Variants in PTPRT observed in about 807,000 individuals in gnomAD.
PTPRT encodes the protein receptor-type tyrosine-protein phosphatase T.
A neutral mutation model predicts 176.8 loss-of-function variants in PTPRT; 56 were observed. That is an observed-to-expected ratio of 0.32 (90% CI 0.26 to 0.40). The LOEUF is 0.40. Among genes scored for constraint, PTPRT ranks in the 10% least tolerant of loss-of-function variants. The pLI is 1.00. For missense variants in PTPRT, 1,540 were observed against 1,908.2 expected (o/e 0.81, Z 3.60); for synonymous variants, 783 against 739.0 (o/e 1.06, Z -0.96).
intron 16 of PTPRT, among the ~76,000 whole-genome samples, chr20:42,192,171 A>C (rs1991027244): frequency 6.6e-6 from 1 of 152,156 alleles, no homozygotes; most frequent in African/African-American, 2.4e-5. Flanking sequence ...AATCCTTGAC[A>C]TCACACACCA....
At chr20:43,149,762 C>T (rs1448231984) in intron 1 of PTPRT, among the ~76,000 whole-genome samples, 2 of 152,236 alleles carry the variant, frequency 1.3e-5, no homozygotes, top group South Asian at 4.1e-4. Flanking sequence ...TCATAACCCT[C>T]ATCTACCATT....
intron 23 of PTPRT, 62 bp downstream of exon 23, chr20:42,110,271 C>T (rs1023134686): frequency 4.7e-6 from 7 of 1,487,014 alleles, no homozygotes; most frequent in Non-Finnish European, 6.3e-6. Flanking sequence ...AGGCTGGTCT[C>T]GAACTCCTGA....
At chr20:42,060,558 A>T in the PTPRT span, among the ~76,000 whole-genome samples, 1 of 152,168 alleles carries the variant, frequency 6.6e-6, no homozygotes, top group Non-Finnish European at 1.5e-5. Context: ...ACAGTGAATA[A>T]GTCTTACAAG....
intron 16 of PTPRT, among the ~76,000 whole-genome samples, chr20:42,180,601 C>A (rs1568648213): frequency 6.6e-6 from 1 of 152,170 alleles, no homozygotes; most frequent in African/African-American, 2.4e-5. Flanking sequence ...GTATTCTTCA[C>A]TGATGTATAT....
intron 7 of PTPRT, among the ~76,000 whole-genome samples, chr20:42,583,925 TG>T (rs1196702107): frequency 6.6e-6 from 1 of 152,200 alleles, no homozygotes; most frequent in Non-Finnish European, 1.5e-5. Flanking sequence ...TCTCCCACTA[TG>T]TCTTCCAGCC....
chr20:42,878,417 G>C (rs1362914119), intron 2 of PTPRT, among the ~76,000 whole-genome samples: 1 of 152,126 alleles, frequency 6.6e-6, no homozygotes, highest in African/African-American at 2.4e-5. Flanking sequence ...TCTCAACAAT[G>C]AATACACATT....
At position 42,128,059 on chromosome 20, in the gene PTPRT, AT is replaced by A. The variant is rs1987943883; in HGVS notation, c.2847+694del. ...TGTAGTCCCAACAATATTTTCCATT[AT>A]TCCTGTTACATATTCTCTGCTCCCC... On this transcript the variant is annotated intron_variant, in intron 19 of 30. Transcript: ENST00000373187. Among the ~76,000 whole-genome samples the A allele has an allele frequency of 1.3e-5, 2 of 152,134 alleles. 1 individual carries two copies. Among genetic ancestry groups the A allele is most frequent in the South Asian group, 4.2e-4 (2 of 4,818 alleles).
rs543814146 is a variant in PTPRT at position 42,762,386 on chromosome 20, GTCTCAAGGACTTAAAAGCTGATGTCC to G, written c.685-5776_685-5751del. 2.2e-3 allele frequency among the ~76,000 whole-genome samples: 339 copies of G among 152,260 alleles called. 1 individual carries two copies. The highest frequency in any genetic ancestry group is 7.7e-3 in the African/African-American group (320 of 41,548). On this transcript the variant is annotated intron_variant, in intron 5 of 30. Transcript: ENST00000373187. ...CTAAATTCTGCTGACTTTACCCTGG[GTCTCAAGGACTTAAAAGCTGATGTCC>G]TCTTAAGTCCCTTAATGGAAAGCAA...
chr20:43,134,188 G>A (rs1361367695), intron 1 of PTPRT, among the ~76,000 whole-genome samples: 1 of 152,136 alleles, frequency 6.6e-6, no homozygotes. Context: ...AGAAAAGGAA[G>A]GGGGAGCCGT....
In PTPRT at chr20:42,106,702, C is replaced by T. The variant is rs925325668; in HGVS notation, c.3390+84G>A. The T allele has an allele frequency of 6.6e-5, 101 of 1,534,160 alleles. No homozygotes were observed. In the Middle Eastern group the frequency reaches 1.2e-3, roughly 18 times the overall value. ...AGGTCCTTTCCATAGGATGCCCCTA[C>T]CTATGTGTCTCTCCGTTCTATCATC... is the stretch of plus-strand genomic sequence containing the variant. On this transcript the variant is annotated intron_variant, in intron 24 of 30. Transcript: ENST00000373187.
At chr20:43,098,235 T>G (rs1172799174) in intron 1 of PTPRT, among the ~76,000 whole-genome samples, 1 of 152,164 alleles carries the variant, frequency 6.6e-6, no homozygotes, top group Non-Finnish European at 1.5e-5. Flanking sequence ...CTCTTTTTGC[T>G]TAAAGCCATG....
At chr20:42,577,922 G>GCT (rs1257899145) in intron 7 of PTPRT, among the ~76,000 whole-genome samples, 21 of 108,834 alleles carry the variant, frequency 1.9e-4, no homozygotes, top group African/African-American at 9.2e-4. Flanking sequence ...CCTGAGCGAG[G>GCT]CTGTGTGTGT....
At chr20:42,166,069 TACAGCACATTTC>T (rs1474593559) in intron 16 of PTPRT, among the ~76,000 whole-genome samples, 2 of 152,364 alleles carry the variant, frequency 1.3e-5, no homozygotes, top group Non-Finnish European at 2.9e-5. Flanking sequence ...ATTTTACACT[TACAGCACATTTC>T]AATTCAGACT....
At chr20:42,652,799 A>T (rs1890006360) in intron 7 of PTPRT, among the ~76,000 whole-genome samples, 2 of 152,164 alleles carry the variant, frequency 1.3e-5, no homozygotes, top group Admixed American at 1.3e-4. Flanking sequence ...CCTTCAGTTC[A>T]TATGAGGTGC....
At chr20:42,674,545 A>G (rs942251945) in intron 7 of PTPRT, among the ~76,000 whole-genome samples, 1 of 152,210 alleles carries the variant, frequency 6.6e-6, no homozygotes, top group Non-Finnish European at 1.5e-5. Context: ...AAACTCTTAC[A>G]TTTACCCTGT....
chr20:42,237,417 A>C (rs979060146), intron 14 of PTPRT, among the ~76,000 whole-genome samples: 1 of 152,226 alleles, frequency 6.6e-6, no homozygotes, highest in Admixed American at 6.5e-5. Context: ...AAACTAGATC[A>C]GTAATTTTCC....
intron 1 of PTPRT, among the ~76,000 whole-genome samples, chr20:42,948,002 T>C (rs946002305): frequency 1.3e-5 from 2 of 152,210 alleles, no homozygotes; most frequent in African/African-American, 4.8e-5. Flanking sequence ...AATGAATGAA[T>C]GAATGAATGA....
intron 7 of PTPRT, among the ~76,000 whole-genome samples, chr20:42,578,539 G>A (rs145096146): frequency 4.5e-4 from 68 of 152,168 alleles, no homozygotes; most frequent in African/African-American, 1.5e-3. Flanking sequence ...CTGCTCCATC[G>A]ACATTCTTCC....
intron 1 of PTPRT, among the ~76,000 whole-genome samples, chr20:42,915,752 C>A (rs893258358): frequency 6.6e-6 from 1 of 152,068 alleles, no homozygotes; most frequent in African/African-American, 2.4e-5. Flanking sequence ...CCACCACACA[C>A]AGCTAATTTT....
Sources: gnomAD v4.1 joint callset for allele counts (sites outside exome capture counted in the v4.1 genomes callset) on GRCh38, gnomAD v4.1.1 for gene constraint, MANE v1.5 for transcripts, NCBI Gene and HGNC (gene_info 2026-07-23, HGNC 2026-07-21) for gene names.